The following PRKG1 variants were observed in gnomAD, a reference collection of about 807,000 sequenced individuals.
The protein encoded by PRKG1 is protein kinase cGMP-dependent 1, also known as cGMP-dependent protein kinase 1.
A neutral mutation model predicts 88.1 loss-of-function variants in PRKG1; 35 were observed. The ratio of observed to expected loss-of-function variants is 0.40; its 90% CI spans 0.30 to 0.53. The LOEUF (loss-of-function observed/expected upper bound fraction) is 0.53, where lower values mean the gene tolerates loss of function less well. PRKG1 is among the 20% of genes least tolerant of loss of function. The pLI is 0.59. For missense variants in PRKG1, 540 were observed against 839.8 expected, an observed-to-expected ratio of 0.64 and a Z score of 4.41; for synonymous variants, 303 against 292.5, an observed-to-expected ratio of 1.04 and a Z score of -0.37.
intron 2 of PRKG1, among the ~76,000 whole-genome samples, chr10:51,458,284 T>C (rs1272491780): frequency 6.6e-6 from 1 of 152,170 alleles, no homozygotes; most frequent in Non-Finnish European, 1.5e-5. Flanking sequence ...GTTGATACTT[T>C]GAATTATTGT....
At chr10:51,259,800 G>A (rs184648586) in intron 2 of PRKG1, among the ~76,000 whole-genome samples, 1 of 152,164 alleles carries the variant, frequency 6.6e-6, no homozygotes, top group East Asian at 1.9e-4. Flanking sequence ...ATATGTGTGG[G>A]TGCTGAGAAG....
intron 5 of PRKG1, among the ~76,000 whole-genome samples, chr10:51,946,312 A>G (rs931155920): frequency 3.9e-5 from 6 of 151,940 alleles, no homozygotes; most frequent in Admixed American, 6.6e-5. Context: ...CAGCTCCATC[A>G]GCTCCTTTAA....
intron 4 of PRKG1, among the ~76,000 whole-genome samples, chr10:51,827,536 C>T (rs897170050): frequency 6.6e-6 from 1 of 151,916 alleles, no homozygotes; most frequent in Non-Finnish European, 1.5e-5. Context: ...TACTAAATTC[C>T]AAACTGGGTT....
intron 3 of PRKG1, among the ~76,000 whole-genome samples, chr10:51,477,812 C>A (rs181090899): frequency 2.0e-5 from 3 of 151,960 alleles, no homozygotes; most frequent in Non-Finnish European, 2.9e-5. Context: ...AAAAGGGCCA[C>A]GATCCAGAGA....
intron 3 of PRKG1, among the ~76,000 whole-genome samples, chr10:51,706,360 G>A (rs1009751009): frequency 6.6e-6 from 1 of 152,118 alleles, no homozygotes; most frequent in Non-Finnish European, 1.5e-5. Flanking sequence ...ACAATGCCTG[G>A]CCCTGAATTT....
intron 1 of PRKG1, among the ~76,000 whole-genome samples, chr10:51,040,545 C>A (rs1306249500): frequency 6.6e-6 from 1 of 151,660 alleles, no homozygotes; most frequent in East Asian, 1.9e-4. Flanking sequence ...GTCTTGAACT[C>A]CTGACCTCGT....
At chr10:51,213,265 A>G (rs2132077114) in intron 2 of PRKG1, among the ~76,000 whole-genome samples, 1 of 152,024 alleles carries the variant, frequency 6.6e-6, no homozygotes, top group Non-Finnish European at 1.5e-5. Flanking sequence ...GAATTGAACA[A>G]TGAGAACACA....
intron 5 of PRKG1, among the ~76,000 whole-genome samples, chr10:52,014,878 T>C (rs1844995816): frequency 6.6e-6 from 1 of 152,228 alleles, no homozygotes; most frequent in South Asian, 2.1e-4. Flanking sequence ...ACTCCATGTC[T>C]CACATTCAGG....
chr10:52,038,475 A>G (rs569213476), intron 5 of PRKG1, among the ~76,000 whole-genome samples: 1 of 152,030 alleles, frequency 6.6e-6, no homozygotes, highest in East Asian at 1.9e-4. Flanking sequence ...GGGGCGCGGA[A>G]ATAAGGGATT....
intron 14 of PRKG1, among the ~76,000 whole-genome samples, chr10:52,286,221 C>T (rs895092376): frequency 2.6e-5 from 4 of 152,028 alleles, no homozygotes; most frequent in African/African-American, 9.7e-5. Context: ...GGAGTGAAGA[C>T]AGTTAAAGTT....
intron 3 of PRKG1, among the ~76,000 whole-genome samples, chr10:51,780,743 T>C (rs1838566464): frequency 6.6e-6 from 1 of 152,174 alleles, no homozygotes; most frequent in Non-Finnish European, 1.5e-5. Flanking sequence ...GATTGTATGA[T>C]ACAGTAGCTG....
intron 5 of PRKG1, among the ~76,000 whole-genome samples, chr10:51,964,595 A>T (rs1589462497): frequency 6.6e-6 from 1 of 152,220 alleles, no homozygotes; most frequent in African/African-American, 2.4e-5. Context: ...AAAATAATTC[A>T]TGTGCCCATA....
intron 4 of PRKG1, among the ~76,000 whole-genome samples, chr10:51,831,389 A>G (rs1216555497): frequency 4.0e-5 from 6 of 151,718 alleles, no homozygotes; most frequent in Non-Finnish European, 7.4e-5. Flanking sequence ...AAAAAAAATC[A>G]CTGGTAACAT....
At chr10:52,290,342 G>A (rs765536563) in intron 17 of PRKG1, 52 bp downstream of exon 17, 2 of 1,426,554 alleles carry the variant, frequency 1.4e-6, no homozygotes, top group African/African-American at 1.4e-5. Flanking sequence ...TGGTGTTTAT[G>A]TCAGTCAACA....
rs58176913 is a variant in PRKG1, at chr10:51,205,127, C to CTT, written c.478+51826_478+51827dup. Among the ~76,000 whole-genome samples, 102 of 63,998 alleles carry CTT rather than the reference C, an allele frequency of 1.6e-3. 6 individuals carry two copies. The highest frequency in any genetic ancestry group is 2.3e-3 in the Non-Finnish European group (77 of 33,230). 42.0% of individuals were successfully genotyped at this position (63,998 alleles called of 152,430 possible). A position where few individuals can be genotyped will look rare whatever the true frequency, so the allele number is the denominator to read the frequency against. ...TAAGGAAGAATTTTCATTTTCTTTT[C>CTT]TTTTTTTTTTTTTTTTTTTTTTTTT... On this transcript the variant is annotated intron_variant, in intron 2 of 17. Coordinates refer to ENST00000373980, the MANE Select transcript of PRKG1 (RefSeq NM_006258.4).
chr10:51,737,740 A>ATTTATTTATTATT (rs765792966), intron 3 of PRKG1, among the ~76,000 whole-genome samples: 1 of 133,434 alleles, frequency 7.5e-6, no homozygotes, highest in Admixed American at 7.7e-5. Context: ...TTTATTTATT[A>ATTTATTTATTATT]ATTATTATTA....
intron 2 of PRKG1, among the ~76,000 whole-genome samples, chr10:51,275,737 A>G (rs965837446): frequency 6.6e-6 from 1 of 152,166 alleles, no homozygotes; most frequent in African/African-American, 2.4e-5. Flanking sequence ...AAAAACAACC[A>G]GAGTGACAAA....
At chr10:51,650,034 C>T (rs1053052793) in intron 3 of PRKG1, among the ~76,000 whole-genome samples, 2 of 152,184 alleles carry the variant, frequency 1.3e-5, no homozygotes, top group Admixed American at 6.5e-5. Flanking sequence ...CATCTTCTCT[C>T]TAGGTCTAAC....
intron 2 of PRKG1, among the ~76,000 whole-genome samples, chr10:51,414,735 AT>A (rs1273866522): frequency 3.3e-5 from 5 of 152,192 alleles, no homozygotes; most frequent in African/African-American, 1.2e-4. Flanking sequence ...ATGATTTTTT[AT>A]TCTTGACATT....
Sources: allele counts gnomAD v4.1 joint callset (sites outside exome capture counted in the v4.1 genomes callset), GRCh38; gene constraint gnomAD v4.1.1; transcripts MANE v1.5; gene names NCBI Gene and HGNC (gene_info 2026-07-23, HGNC 2026-07-21).